The following WWP1 variants were observed in gnomAD, a reference collection of about 807,000 sequenced individuals.
The protein encoded by WWP1 is NEDD4-like E3 ubiquitin-protein ligase WWP1.
In WWP1, 49 loss-of-function variants were observed where a neutral mutation model predicts 130.6. The observed-to-expected ratio is 0.38, with a 90% CI of 0.30 to 0.48. The LOEUF is 0.48. WWP1 is among the 20% of genes least tolerant of loss of function. The probability of loss-of-function intolerance (pLI) is 0.99; values close to 1 mark genes in which losing one functional copy is unlikely to be tolerated. For synonymous variants in WWP1, 332 were observed against 367.8 expected (o/e 0.90, Z 1.11); for missense variants, 809 against 1,100.6 (o/e 0.74, Z 3.75).
chr8:86,411,585 A>G lies in WWP1; in HGVS notation c.772A>G (p.Thr258Ala). Residue 258 changes from threonine to alanine, a missense_variant, in exon 9 of 25, where the codon ACG becomes GCG. Physicochemically the swap from Thr to Ala is moderately conservative, Grantham distance 58. Coordinates refer to ENST00000517970, the MANE Select transcript of WWP1 (RefSeq NM_007013.4). The part of the protein sequence containing the change: ...SFAPTDNASV[T>A]GTPVVSEENA... The stretch of plus-strand genomic sequence containing the variant: ...TGCACCAACTGATAATGCGTCTGTC[A>G]CGGGTACTCCAGTAGTGTCTGAAGA... 1 of 1,614,048 alleles carries G rather than the reference A, an allele frequency of 6.2e-7. No homozygotes were observed.
At chr8:86,365,103 G>A (rs999700086) in intron 1 of WWP1, among the ~76,000 whole-genome samples, 1 of 151,846 alleles carries the variant, frequency 6.6e-6, no homozygotes, top group African/African-American at 2.4e-5. Context: ...AGAACCAAAA[G>A]GCTCAGAAAA....
chr8:86,447,666 A>AT (rs893789108), intron 18 of WWP1, among the ~76,000 whole-genome samples: 4 of 152,044 alleles, frequency 2.6e-5, no homozygotes, highest in South Asian at 2.1e-4. Context: ...GCTTCAGTGG[A>AT]TTTTTTTAGT....
At chr8:86,388,068 AATAGCC>A (rs1289706782) in intron 5 of WWP1, among the ~76,000 whole-genome samples, 3 of 152,144 alleles carry the variant, frequency 2.0e-5, no homozygotes, top group Non-Finnish European at 4.4e-5. Context: ...TTTACATTTA[AATAGCC>A]ATACATGGCC....
chr8:86,462,220 CAG>C (rs763248454), intron 24 of WWP1, among the ~76,000 whole-genome samples: 6 of 152,054 alleles, frequency 3.9e-5, no homozygotes, highest in Admixed American at 6.5e-5. Context: ...AGTACTCTAA[CAG>C]AGAACAACTA....
chr8:86,426,266 C>T (rs577716791), intron 10 of WWP1, among the ~76,000 whole-genome samples: 1 of 152,304 alleles, frequency 6.6e-6, no homozygotes, highest in African/African-American at 2.4e-5. Context: ...GGGTTTATTT[C>T]ACTGAAACTG....
intron 2 of WWP1, among the ~76,000 whole-genome samples, chr8:86,373,493 CTG>C (rs1401673147): frequency 1.3e-5 from 2 of 152,082 alleles, no homozygotes; most frequent in Non-Finnish European, 2.9e-5. Flanking sequence ...CCCATGTAGA[CTG>C]TGAATTTTAT....
At position 86,448,252 on chromosome 8, in the gene WWP1, T is replaced by C. The variant is rs1348120314; in HGVS notation, c.2103T>C (p.Thr701=). The change falls in exon 19 of 25, where the codon ACT becomes ACC. Residue 701 remains threonine, a synonymous_variant. Transcript: ENST00000517970. ...TTAAGGATTTGGAATCTATTGATAC[T>C]GAATTTTATAACTCCCTTATCTGGA... ...LTIKDLESID[T]EFYNSLIWIR... is the part of the protein sequence containing the mutation. 2 of 1,582,812 alleles carry C rather than the reference T, an allele frequency of 1.3e-6. No individual in the cohort carries two copies. Among genetic ancestry groups the C allele is most frequent in the South Asian group, 2.4e-5 (2 of 84,040 alleles).
At chr8:86,424,011 G>T (rs946848065) in intron 9 of WWP1, among the ~76,000 whole-genome samples, 4 of 144,796 alleles carry the variant, frequency 2.8e-5, no homozygotes, top group African/African-American at 1.0e-4. Flanking sequence ...TCCCGGACGG[G>T]GCAGCTGCCG....
chr8:86,466,573 T>C (rs1386735015), intron 24 of WWP1, among the ~76,000 whole-genome samples: 3 of 151,978 alleles, frequency 2.0e-5, no homozygotes, highest in Non-Finnish European at 2.9e-5. Flanking sequence ...TTATCCATAT[T>C]GCTACACTTA....
At chr8:86,452,140 C>T (rs1586495634) in intron 20 of WWP1, among the ~76,000 whole-genome samples, 1 of 152,044 alleles carries the variant, frequency 6.6e-6, no homozygotes, top group Middle Eastern at 3.4e-3. Context: ...AGGTCTGTCA[C>T]GGCAATGCTT....
intron 1 of WWP1, among the ~76,000 whole-genome samples, chr8:86,357,037 A>G (rs1304614819): frequency 6.6e-6 from 1 of 152,202 alleles, no homozygotes; most frequent in Non-Finnish European, 1.5e-5. Flanking sequence ...AACTTTATAA[A>G]AGTCTATTTG....
At chr8:86,424,341 G>A (rs1178931109) in intron 9 of WWP1, among the ~76,000 whole-genome samples, 2 of 151,094 alleles carry the variant, frequency 1.3e-5, no homozygotes, top group African/African-American at 4.9e-5. Flanking sequence ...GGGCAGAGGG[G>A]CTCCTCACAT....
intron 1 of WWP1, among the ~76,000 whole-genome samples, chr8:86,349,097 C>T (rs2130089943): frequency 1.3e-5 from 2 of 152,312 alleles, no homozygotes; most frequent in Middle Eastern, 6.8e-3. Flanking sequence ...TCTTGGCTCA[C>T]TGCAACCTCC....
intron 5 of WWP1, among the ~76,000 whole-genome samples, chr8:86,385,792 T>C (rs901411723): frequency 6.6e-6 from 1 of 152,196 alleles, no homozygotes; most frequent in Non-Finnish European, 1.5e-5. Context: ...CAGCCAAAGA[T>C]TTTTTAAAAA....
intron 1 of WWP1, among the ~76,000 whole-genome samples, chr8:86,368,522 A>G (rs1824102679): frequency 6.6e-6 from 1 of 152,160 alleles, no homozygotes; most frequent in Non-Finnish European, 1.5e-5. Context: ...ACTATCTTAA[A>G]TCTAACCCCC....
rs535135227 is a variant in WWP1, at chr8:86,449,303, G to A, written c.2273+790G>A. ...AGAAATAATTTCCATTTGCCAGCCA[G>A]GTAAGTCCAAACATTTTCAGGAAAG... On this transcript the variant is annotated intron_variant, in intron 20 of 24. Transcript: ENST00000517970. Among the ~76,000 whole-genome samples, 21 of 152,254 alleles carry A rather than the reference G, an allele frequency of 1.4e-4. 1 individual carries two copies. The South Asian group carries it at 3.9e-3, about 29-fold the overall frequency.
At chr8:86,461,480 T>C (rs1360853486) in intron 23 of WWP1, 160 bp downstream of exon 23, 2 of 672,110 alleles carry the variant, frequency 3.0e-6, no homozygotes, top group Non-Finnish European at 5.1e-6. Flanking sequence ...ATCAAAGCAC[T>C]TGTAAGACAA....
intron 7 of WWP1, among the ~76,000 whole-genome samples, chr8:86,400,115 G>A (rs1807886476): frequency 1.3e-5 from 2 of 152,192 alleles, no homozygotes; most frequent in African/African-American, 2.4e-5. Context: ...CAGATCATGA[G>A]GTCAGGAGTT....
intron 1 of WWP1, among the ~76,000 whole-genome samples, chr8:86,360,070 A>G (rs956838260): frequency 3.3e-5 from 5 of 150,666 alleles, no homozygotes; most frequent in African/African-American, 1.2e-4. Context: ...ACAAAAAACA[A>G]AAAAAAAACA....
Sources: allele counts gnomAD v4.1 joint callset (sites outside exome capture counted in the v4.1 genomes callset), GRCh38; gene constraint gnomAD v4.1.1; transcripts MANE v1.5; gene names NCBI Gene and HGNC (gene_info 2026-07-23, HGNC 2026-07-21).